Variants in ACSS3 observed in about 807,000 individuals in gnomAD.
ACSS3 encodes the protein acyl-CoA synthetase short-chain family member 3, mitochondrial.
Under a neutral mutation model 84.2 loss-of-function variants are expected in ACSS3, and 64 were observed. That is an observed-to-expected ratio of 0.76 (90% CI 0.62 to 0.94). The LOEUF is 0.94. ACSS3 is among the 40% of genes least tolerant of loss of function. The pLI, the probability that ACSS3 is intolerant of heterozygous loss-of-function variation, is 0.00. For synonymous variants in ACSS3, 317 were observed against 310.1 expected (o/e 1.02, Z -0.23); for missense variants, 815 against 867.6 (o/e 0.94, Z 0.76).
intron 1 of ACSS3, among the ~76,000 whole-genome samples, chr12:81,103,458 C>T (rs576058471): frequency 6.6e-6 from 1 of 152,266 alleles, no homozygotes; most frequent in African/African-American, 2.4e-5. Context: ...AGAAACTTGT[C>T]ATAGTAGAAT....
At chr12:81,236,530 C>T (rs1019407962) in intron 13 of ACSS3, among the ~76,000 whole-genome samples, 5 of 151,146 alleles carry the variant, frequency 3.3e-5, no homozygotes, top group South Asian at 2.1e-4. Context: ...TTCTTGTAGA[C>T]AGCACCTACT....
At chr12:81,131,093 A>G (rs957060039) in intron 2 of ACSS3, among the ~76,000 whole-genome samples, 9 of 152,176 alleles carry the variant, frequency 5.9e-5, no homozygotes, top group African/African-American at 2.2e-4. Flanking sequence ...TTGGCTTAGG[A>G]TTGTCTTAGC....
intron 7 of ACSS3, among the ~76,000 whole-genome samples, chr12:81,158,815 AT>A (rs1214258724): frequency 6.6e-6 from 1 of 152,100 alleles, no homozygotes; most frequent in Non-Finnish European, 1.5e-5. Context: ...CTTTTAGCAC[AT>A]TGCATTTTCC....
In ACSS3 at chr12:81,151,879, G is replaced by A; in HGVS notation, c.957G>A (p.Met319Ile). Reference protein sequence around the residue: ...VIRPTGGYAVMLHWSMSSIYG... With the variant: ...VIRPTGGYAVILHWSMSSIYG... ...GGCCCACTGGGGGATACGCTGTCAT[G>A]CTACACTGGTCAATGTCTTCCATAT... Residue 319 changes from methionine (M) to isoleucine (I), a missense_variant, in exon 6 of 16, where the codon ATG (methionine) becomes ATA (isoleucine). By Grantham distance (10) the Met-to-Ile change is conservative. Coordinates refer to ENST00000548058, the MANE Select transcript of ACSS3 (RefSeq NM_024560.4). 1 of 1,613,882 alleles carries A rather than the reference G, an allele frequency of 6.2e-7. No homozygotes were observed. Among genetic ancestry groups the A allele is most frequent in the Non-Finnish European group, 8.5e-7 (1 of 1,179,870 alleles).
intron 1 of ACSS3, among the ~76,000 whole-genome samples, chr12:81,084,837 C>T (rs1415429148): frequency 6.6e-6 from 1 of 152,174 alleles, no homozygotes; most frequent in East Asian, 1.9e-4. Context: ...TGCTGTGACT[C>T]AGAGATTCTT....
chr12:81,092,427 A>G (rs1428275322), intron 1 of ACSS3, among the ~76,000 whole-genome samples: 1 of 152,176 alleles, frequency 6.6e-6, no homozygotes, highest in East Asian at 1.9e-4. Context: ...TCTGAAAATA[A>G]GAGTAACAAA....
chr12:81,256,600 G>T lies in ACSS3; in HGVS notation c.*1678G>T, dbSNP rs1156386363. 6.6e-6 allele frequency: 1 copy of T among 151,978 alleles called. No individual in the cohort carries two copies. Among genetic ancestry groups the T allele is most frequent in the Non-Finnish European group, 1.5e-5 (1 of 67,996 alleles). The allele number at this position is 151,978 out of a possible 1,614,324, so 9.4% of individuals were successfully genotyped here. A position where few individuals can be genotyped will look rare whatever the true frequency, so the allele number is the denominator to read the frequency against. On this transcript the variant is annotated 3_prime_UTR_variant, in exon 16 of 16. Coordinates refer to ENST00000548058, the MANE Select transcript of ACSS3 (RefSeq NM_024560.4). ...ACATTACTATCAAGAGCAGATTGTTGTAACATAATACTCAGGATACATGAA... is the reference window on the plus strand; with the variant it reads ...ACATTACTATCAAGAGCAGATTGTTTTAACATAATACTCAGGATACATGAA...
At chr12:81,153,960 T>C (rs950830995) in intron 7 of ACSS3, among the ~76,000 whole-genome samples, 1 of 152,230 alleles carries the variant, frequency 6.6e-6, no homozygotes, top group African/African-American at 2.4e-5. Context: ...TGCTTTTATA[T>C]CTTGCGGACT....
chr12:81,109,834 C>A, intron 2 of ACSS3, 130 bp downstream of exon 2: 1 of 786,086 alleles, frequency 1.3e-6, no homozygotes, highest in Non-Finnish European at 1.9e-6. Flanking sequence ...TCTTTTGATA[C>A]ACATTGGAAA....
intron 7 of ACSS3, among the ~76,000 whole-genome samples, chr12:81,158,829 T>G: frequency 6.6e-6 from 1 of 152,126 alleles, no homozygotes; most frequent in South Asian, 2.1e-4. Flanking sequence ...CATTTTCCCT[T>G]GGTGGTTTGT....
intron 9 of ACSS3, among the ~76,000 whole-genome samples, chr12:81,210,526 TAAG>T (rs1403121946): frequency 2.5e-5 from 3 of 121,418 alleles, no homozygotes; most frequent in African/African-American, 8.6e-5. Context: ...GTAAACTAAA[TAAG>T]AAGGCTATGA....
intron 12 of ACSS3, among the ~76,000 whole-genome samples, chr12:81,232,142 A>C (rs768337384): frequency 3.6e-4 from 55 of 151,640 alleles, no homozygotes; most frequent in Non-Finnish European, 5.9e-4. Context: ...AGTATAGTTG[A>C]CTCCAGTAAG....
At chr12:81,245,943 A>G (rs2033970741) in intron 13 of ACSS3, among the ~76,000 whole-genome samples, 1 of 152,068 alleles carries the variant, frequency 6.6e-6, no homozygotes, top group African/African-American at 2.4e-5. Flanking sequence ...GTAATGAGTC[A>G]GGGCTTTGTC....
intron 2 of ACSS3, among the ~76,000 whole-genome samples, chr12:81,114,181 T>C (rs1335552336): frequency 6.6e-6 from 1 of 152,096 alleles, no homozygotes; most frequent in African/African-American, 2.4e-5. Context: ...ACTGGGAAAA[T>C]TGATAAAACC....
In ACSS3 at chr12:81,151,937, T is replaced by C; in HGVS notation, c.1002+13T>C. The C allele has an allele frequency of 6.2e-7, 1 of 1,613,778 alleles. No homozygotes were observed. On this transcript the variant is annotated intron_variant, in intron 6 of 15. Coordinates refer to ENST00000548058, the MANE Select transcript of ACSS3 (RefSeq NM_024560.4). ...TCAACCCGGAGAGGTAATCGTGGTT[T>C]TAAATTTACATTACATGACATTCTC...
At chr12:81,133,091 A>G (rs1239831953) in intron 2 of ACSS3, among the ~76,000 whole-genome samples, 2 of 145,184 alleles carry the variant, frequency 1.4e-5, no homozygotes, top group African/African-American at 5.1e-5. Flanking sequence ...TTTGCAATAT[A>G]AAGTAGAATA....
At chr12:81,191,225 C>A (rs1383224670) in intron 8 of ACSS3, among the ~76,000 whole-genome samples, 1 of 151,898 alleles carries the variant, frequency 6.6e-6, no homozygotes, top group East Asian at 1.9e-4. Context: ...TATTTTCATT[C>A]TTGGTATTGA....
intron 9 of ACSS3, among the ~76,000 whole-genome samples, chr12:81,213,996 T>A (rs1450085092): frequency 8.6e-6 from 1 of 116,690 alleles, no homozygotes; most frequent in South Asian, 2.8e-4. Context: ...TCTTTCTTTC[T>A]TTCTTTCTTT....
chr12:81,095,545 G>A (rs1356292632), intron 1 of ACSS3, among the ~76,000 whole-genome samples: 2 of 151,998 alleles, frequency 1.3e-5, no homozygotes, highest in South Asian at 2.1e-4. Context: ...TATCCTTAAC[G>A]TCTTTGAATT....
Sources: allele counts gnomAD v4.1 joint callset (sites outside exome capture counted in the v4.1 genomes callset), GRCh38; gene constraint gnomAD v4.1.1; transcripts MANE v1.5; gene names NCBI Gene and HGNC (gene_info 2026-07-23, HGNC 2026-07-21).